XRRA1: variants seen among roughly 807,000 people sequenced by gnomAD.
XRRA1 encodes X-ray radiation resistance associated 1.
Under a neutral mutation model 80.2 loss-of-function variants are expected in XRRA1, and 69 were observed. The ratio of observed to expected loss-of-function variants is 0.86; its 90% CI spans 0.71 to 1.05. The LOEUF (loss-of-function observed/expected upper bound fraction) is 1.05, where lower values mean the gene tolerates loss of function less well. XRRA1 is among the 50% of genes least tolerant of loss of function. XRRA1 has a pLI of 0.00. For synonymous variants in XRRA1, 348 were observed against 389.9 expected (o/e 0.89, Z 1.27); for missense variants, 967 against 976.4 (o/e 0.99, Z 0.13).
chr11:74,897,776 A>G (rs548137059), intron 10 of XRRA1, among the ~76,000 whole-genome samples: 1 of 152,114 alleles, frequency 6.6e-6, no homozygotes, highest in African/African-American at 2.4e-5. Flanking sequence ...ATATTCTTTA[A>G]GCATGAAGGA....
chr11:74,855,855 T>C (rs2040958081), intron 12 of XRRA1, among the ~76,000 whole-genome samples: 1 of 152,092 alleles, frequency 6.6e-6, no homozygotes, highest in African/African-American at 2.4e-5. Flanking sequence ...ATTCATGGGG[T>C]CGGGTGTGGT....
chr11:74,881,880 GT>G (rs2136740924), intron 10 of XRRA1, among the ~76,000 whole-genome samples: 1 of 150,024 alleles, frequency 6.7e-6, no homozygotes, highest in African/African-American at 2.5e-5. Flanking sequence ...GAGATCCGCT[GT>G]TAGTCTGATG....
At chr11:74,866,799 G>C (rs529761952) in intron 10 of XRRA1, among the ~76,000 whole-genome samples, 3,619 of 151,988 alleles carry the variant, frequency 0.024, 120 homozygotes, top group African/African-American at 0.083. Flanking sequence ...ACAGTCAGAG[G>C]AGAAAAAAGG....
intron 6 of XRRA1, 112 bp downstream of exon 6, chr11:74,930,186 CAA>C: frequency 1.1e-6 from 1 of 921,984 alleles, no homozygotes; most frequent in Non-Finnish European, 1.7e-6. Flanking sequence ...TATTGTACTC[CAA>C]AAAAGAGATG....
intron 10 of XRRA1, among the ~76,000 whole-genome samples, chr11:74,885,445 G>A (rs1054519279): frequency 2.0e-5 from 3 of 151,976 alleles, no homozygotes; most frequent in African/African-American, 4.8e-5. Flanking sequence ...AGACTACTAC[G>A]AACATACGAG....
intron 10 of XRRA1, among the ~76,000 whole-genome samples, chr11:74,878,913 G>C (rs950430457): frequency 4.6e-5 from 7 of 151,802 alleles, no homozygotes; most frequent in African/African-American, 1.7e-4. Context: ...CTCCAGCTTT[G>C]TTCTTTTGGC....
chr11:74,933,818 C>T lies in XRRA1; in HGVS notation c.334G>A (p.Gly112Ser). The T allele has an allele frequency of 6.3e-7, 1 of 1,598,414 alleles. No individual in the cohort carries two copies. Among genetic ancestry groups the T allele is most frequent in the Non-Finnish European group, 8.5e-7 (1 of 1,172,184 alleles). The stretch of plus-strand genomic sequence containing the variant: ...GACCTCACCTTGGAGAACTTCAGGC[C>T]ACTCACATTAATGGTGCACAGATCT... ...PSDLCTINVSGLKFSKAKEND... is the reference protein window; with the variant it reads ...PSDLCTINVSSLKFSKAKEND... The change falls in exon 5 of 19, where the codon GGC becomes AGC. Residue 112 changes from glycine to serine, a missense_variant. Coordinates refer to ENST00000684022, the MANE Select transcript of XRRA1 (RefSeq NM_001378157.1).
chr11:74,856,109 G>T (rs1237062242), intron 12 of XRRA1, among the ~76,000 whole-genome samples: 2 of 152,208 alleles, frequency 1.3e-5, no homozygotes, highest in African/African-American at 2.4e-5. Context: ...TCCGGCCTGG[G>T]CTACAGAGCG....
At chr11:74,849,259 A>C (rs1271173719) in intron 14 of XRRA1, among the ~76,000 whole-genome samples, 1 of 152,164 alleles carries the variant, frequency 6.6e-6, no homozygotes, top group Non-Finnish European at 1.5e-5. Context: ...CTGTAGTTAG[A>C]AAAATGTGGG....
chr11:74,883,242 G>C (rs1373448206), intron 10 of XRRA1, among the ~76,000 whole-genome samples: 1 of 152,236 alleles, frequency 6.6e-6, no homozygotes, highest in Non-Finnish European at 1.5e-5. Flanking sequence ...CGTTGGAAAA[G>C]CGCAGTATTT....
At chr11:74,902,909 TAACTA>T (rs1358523595) in intron 10 of XRRA1, among the ~76,000 whole-genome samples, 1 of 152,136 alleles carries the variant, frequency 6.6e-6, no homozygotes, top group African/African-American at 2.4e-5. Flanking sequence ...CATTTAAAAA[TAACTA>T]AAAGAGTATA....
intron 8 of XRRA1, among the ~76,000 whole-genome samples, chr11:74,911,073 C>A (rs888038151): frequency 2.0e-5 from 3 of 151,826 alleles, no homozygotes; most frequent in African/African-American, 7.3e-5. Flanking sequence ...GAAGAGGAGG[C>A]CACCAATAAA....
At chr11:74,877,732 G>A (rs967936112) in intron 10 of XRRA1, among the ~76,000 whole-genome samples, 9 of 151,342 alleles carry the variant, frequency 5.9e-5, no homozygotes, top group East Asian at 3.9e-4. Flanking sequence ...CTGTTCTTGC[G>A]ATAGTTTACT....
intron 10 of XRRA1, among the ~76,000 whole-genome samples, chr11:74,898,567 T>C (rs529413533): frequency 6.6e-6 from 1 of 152,170 alleles, no homozygotes; most frequent in African/African-American, 2.4e-5. Flanking sequence ...TGGAAAAAGA[T>C]ATTCCATGCA....
At chr11:74,859,468 T>TC (rs2041867951) in intron 11 of XRRA1, among the ~76,000 whole-genome samples, 185 bp from the exon 12 acceptor site, 1 of 152,152 alleles carries the variant, frequency 6.6e-6, no homozygotes, top group Non-Finnish European at 1.5e-5. Context: ...CTCCAAGTTC[T>TC]CTTAGGAGAA....
At chr11:74,925,288 G>A (rs918088552) in intron 7 of XRRA1, among the ~76,000 whole-genome samples, 3 of 152,212 alleles carry the variant, frequency 2.0e-5, no homozygotes, top group East Asian at 1.9e-4. Flanking sequence ...TCTGTAATCC[G>A]AGAATCAAAC....
At chr11:74,855,817 CT>C (rs2040952012) in intron 12 of XRRA1, among the ~76,000 whole-genome samples, 1 of 152,106 alleles carries the variant, frequency 6.6e-6, no homozygotes, top group Non-Finnish European at 1.5e-5. Context: ...TTCAACACAG[CT>C]GTATTATTTG....
At chr11:74,919,642 A>G in intron 8 of XRRA1, 1 of 557,454 alleles carries the variant, frequency 1.8e-6, no homozygotes, top group Non-Finnish European at 3.5e-6. Context: ...GCCATCAATG[A>G]GGTGGTGACC....
At chr11:74,859,046 T>C (rs1259450091) in intron 12 of XRRA1, 112 bp downstream of exon 12, 5 of 1,368,664 alleles carry the variant, frequency 3.7e-6, no homozygotes, top group Non-Finnish European at 3.8e-6. Flanking sequence ...CCTGAGCCCA[T>C]GTACCTGTAA....
Sources: gnomAD v4.1 joint callset for allele counts (sites outside exome capture counted in the v4.1 genomes callset) on GRCh38, gnomAD v4.1.1 for gene constraint, MANE v1.5 for transcripts, NCBI Gene and HGNC (gene_info 2026-07-23, HGNC 2026-07-21) for gene names.